Variants in PRDM16 observed in about 807,000 individuals in gnomAD.
PRDM16 encodes PR/SET domain 16, also known as histone-lysine N-methyltransferase PRDM16.
A neutral mutation model predicts 110.6 loss-of-function variants in PRDM16; 23 were observed. The ratio of observed to expected loss-of-function variants is 0.21; its 90% CI spans 0.15 to 0.29. The LOEUF is 0.29. Ranked by LOEUF, PRDM16 falls within the 10% of genes least tolerant of loss-of-function variation. The pLI, the probability that PRDM16 is intolerant of heterozygous loss-of-function variation, is 1.00. For synonymous variants in PRDM16, 799 were observed against 781.8 expected, an observed-to-expected ratio of 1.02 and a Z score of -0.37; for missense variants, 1,615 against 1,794.3, an observed-to-expected ratio of 0.90 and a Z score of 1.81.
rs1643121609 is a variant in PRDM16 at position 3,382,603 on chromosome 1, G to A, written c.439-2549G>A. Among the ~76,000 whole-genome samples, 1 of 152,186 alleles carries A rather than the reference G, an allele frequency of 6.6e-6. No homozygotes were observed. Among genetic ancestry groups the A allele is most frequent in the Non-Finnish European group, 1.5e-5 (1 of 68,026 alleles). On this transcript the variant is annotated intron_variant, in intron 3 of 16. Transcript: ENST00000270722. This position sits in a 1 kb window ranked among gnomAD's most constrained non-coding sequence, Gnocchi z 6.6. ...AGAACAGGGGGAAGGTGTTGGCTGA[G>A]CCCATGTCTTGGGTGCATTAGGGGT...
intron 10 of PRDM16, among the ~76,000 whole-genome samples, chr1:3,416,497 C>T (rs965142936): frequency 1.3e-5 from 2 of 152,146 alleles, no homozygotes; most frequent in Admixed American, 6.5e-5. Flanking sequence ...CCTCACCTGC[C>T]CTTCTCCTCA....
At chr1:3,144,312 T>C (rs1014986473) in intron 1 of PRDM16, among the ~76,000 whole-genome samples, 3 of 152,014 alleles carry the variant, frequency 2.0e-5, no homozygotes, top group Non-Finnish European at 4.4e-5. Context: ...ATCCCTCGGG[T>C]TGGATGCAGA....
chr1:3,290,206 T>C lies in PRDM16; in HGVS notation c.438+46069T>C, dbSNP rs1640941783. ...GGCTGGCCCGGCACAGGGGCTCCCC[T>C]TGAGGTGGGCAGGTTTCCAGGCATT... On this transcript the variant is annotated intron_variant, in intron 3 of 16. Transcript: ENST00000270722. The surrounding 1 kb of genome is among the most constrained non-coding windows in gnomAD (Gnocchi z 4.8). Among the ~76,000 whole-genome samples the C allele has an allele frequency of 6.6e-6, 1 of 152,268 alleles. No individual in the cohort carries two copies. Among genetic ancestry groups the C allele is most frequent in the Middle Eastern group, 3.4e-3 (1 of 294 alleles).
rs749586379 is a variant in PRDM16, at chr1:3,402,955, C to T, written c.841C>T (p.His281Tyr). Residue 281 changes from histidine (H) to tyrosine (Y), a missense_variant, in exon 6 of 17, where the codon CAC (histidine) becomes TAC (tyrosine). Coordinates refer to ENST00000270722, the MANE Select transcript of PRDM16 (RefSeq NM_022114.4). ...EGLGGGSGQA[H>Y]ECKDCERMFP... ...CCTTGGCGGTGGCAGCGGCCAAGCC[C>T]ACGAGTGCAAGGACTGCGAGCGGAT... The T allele has an allele frequency of 6.2e-7, 1 of 1,612,546 alleles. No homozygotes were observed. The highest frequency in any genetic ancestry group is 1.1e-5 in the South Asian group (1 of 91,068).
chr1:3,196,401 G>A (rs562592523), intron 2 of PRDM16, among the ~76,000 whole-genome samples: 1 of 152,378 alleles, frequency 6.6e-6, no homozygotes, highest in East Asian at 1.9e-4. Flanking sequence ...CATGACCTCA[G>A]CCCCACTTTT....
intron 4 of PRDM16, among the ~76,000 whole-genome samples, chr1:3,394,176 G>A (rs984279643): frequency 2.0e-5 from 3 of 152,116 alleles, no homozygotes; most frequent in East Asian, 3.9e-4. Context: ...AGGGAGGCCT[G>A]GCGCCCTCGG....
In PRDM16 at chr1:3,408,516, G is replaced by A. The variant is rs145314287; in HGVS notation, c.1186+2868G>A. On this transcript the variant is annotated intron_variant, in intron 8 of 16. Transcript: ENST00000270722. ...TGAGTGTGGGCGCGTGCACCGGTGCGTGTGTGTGTGAGAGCGTGTGTGTGG... is the reference window on the plus strand; with the variant it reads ...TGAGTGTGGGCGCGTGCACCGGTGCATGTGTGTGTGAGAGCGTGTGTGTGG... Among the ~76,000 whole-genome samples, 274 of 141,676 alleles carry A rather than the reference G, an allele frequency of 1.9e-3. 1 individual carries two copies. The highest frequency in any genetic ancestry group is 3.3e-3 in the Admixed American group (48 of 14,624). The allele number at this position is 141,676 out of a possible 152,430, so 92.9% of individuals were successfully genotyped here.
chr1:3,073,664 C>G (rs1048415698), intron 1 of PRDM16, among the ~76,000 whole-genome samples: 1 of 152,178 alleles, frequency 6.6e-6, no homozygotes, highest in East Asian at 2.0e-4. Context: ...GGTCGGGGAG[C>G]GGGGCCTGGG....
chr1:3,400,372 C>A (rs1156648532), intron 5 of PRDM16, among the ~76,000 whole-genome samples: 1 of 152,230 alleles, frequency 6.6e-6, no homozygotes, highest in African/African-American at 2.4e-5. Context: ...AGCCTTGCCA[C>A]CCACATCATT....
chr1:3,416,656 T>C (rs1236316048), intron 10 of PRDM16, among the ~76,000 whole-genome samples: 1 of 152,054 alleles, frequency 6.6e-6, no homozygotes, highest in African/African-American at 2.4e-5. Context: ...TCCCTCCTCA[T>C]CCCCTTCTCT....
rs368702154 is a variant in PRDM16, at chr1:3,155,186, C to A, written c.38-30939C>A. Among the ~76,000 whole-genome samples, 15 of 152,196 alleles carry A rather than the reference C, an allele frequency of 9.9e-5. No individual in the cohort carries two copies. The East Asian group carries it at 1.5e-3, about 16-fold the overall frequency. On this transcript the variant is annotated intron_variant, in intron 1 of 16. Coordinates refer to ENST00000270722, the MANE Select transcript of PRDM16 (RefSeq NM_022114.4). The stretch of plus-strand genomic sequence containing the variant: ...TCCTGCGGACCTCTCCAGGAAGGGC[C>A]CCGGGAGAGGCATCTCTCCGGAGGC...
Position 3,181,485 on chromosome 1 carries a change from CACAGCCTTACGCAT to C in PRDM16, c.38-4639_38-4626del, listed in dbSNP as rs1557509338. ...ACGGTCTTACACACGCAGTCTTACA[CACAGCCTTACGCAT>C]GGTCTTACACACGCAGTCTTACACA... On this transcript the variant is annotated intron_variant, in intron 1 of 16. Coordinates refer to ENST00000270722, the MANE Select transcript of PRDM16 (RefSeq NM_022114.4). Among the ~76,000 whole-genome samples the C allele has an allele frequency of 1.4e-3, 96 of 67,412 alleles. 17 individuals carry two copies. Among genetic ancestry groups the C allele is most frequent in the Non-Finnish European group, 2.5e-3 (69 of 28,078 alleles). 44.2% of individuals were successfully genotyped at this position (67,412 alleles called of 152,430 possible).
chr1:3,212,618 A>ATCCTCCCGGCCCCCTCACTGC lies in PRDM16; in HGVS notation c.387+26144_387+26145insTCCTCCCGGCCCCCTCACTGC, dbSNP rs1638915910. Among the ~76,000 whole-genome samples, 48 of 122,604 alleles carry ATCCTCCCGGCCCCCTCACTGC rather than the reference A, an allele frequency of 3.9e-4. 7 individuals carry two copies. Among genetic ancestry groups the ATCCTCCCGGCCCCCTCACTGC allele is most frequent in the East Asian group, 9.3e-4 (4 of 4,282 alleles). 80.4% of individuals were successfully genotyped at this position (122,604 alleles called of 152,430 possible). A position where few individuals can be genotyped will look rare whatever the true frequency, so the allele number is the denominator to read the frequency against. On this transcript the variant is annotated intron_variant, in intron 2 of 16. Coordinates refer to ENST00000270722, the MANE Select transcript of PRDM16 (RefSeq NM_022114.4). ...GCTCATCCTCCCGGCCCCCTCGCTG[A>ATCCTCCCGGCCCCCTCACTGC]GGTCCTCCCGCTCATCCTCCCGGCC... is the stretch of plus-strand genomic sequence containing the variant.
At chr1:3,236,978 C>T (rs935762240) in intron 2 of PRDM16, among the ~76,000 whole-genome samples, 9 of 152,296 alleles carry the variant, frequency 5.9e-5, no homozygotes, top group African/African-American at 2.2e-4. Context: ...CAGGTCCTAG[C>T]AAAGGGAGGA....
At chr1:3,173,616 G>A (rs542060789) in intron 1 of PRDM16, among the ~76,000 whole-genome samples, 90 of 152,288 alleles carry the variant, frequency 5.9e-4, no homozygotes, top group African/African-American at 2.0e-3. Context: ...GTGGTGGTCT[G>A]TGCAGCGCAG....
chr1:3,079,983 G>T (rs1441797912), intron 1 of PRDM16, among the ~76,000 whole-genome samples: 1 of 152,236 alleles, frequency 6.6e-6, no homozygotes, highest in African/African-American at 2.4e-5. Context: ...CCTCAGTAGC[G>T]CGTGCCCACC....
At chr1:3,147,214 G>A (rs1222491900) in intron 1 of PRDM16, among the ~76,000 whole-genome samples, 2 of 151,876 alleles carry the variant, frequency 1.3e-5, no homozygotes, top group East Asian at 1.9e-4. Context: ...TTCAGTGTGG[G>A]GTGTGTGTGC....
chr1:3,281,585 G>A (rs917528177), intron 3 of PRDM16, among the ~76,000 whole-genome samples: 2 of 152,226 alleles, frequency 1.3e-5, no homozygotes, highest in African/African-American at 4.8e-5. Context: ...GCTATGGTTA[G>A]ATTCATTGAT....
intron 3 of PRDM16, among the ~76,000 whole-genome samples, chr1:3,247,742 G>C (rs1035379139): frequency 2.6e-5 from 4 of 152,228 alleles, no homozygotes; most frequent in African/African-American, 9.6e-5. Flanking sequence ...GCGTGCCCTC[G>C]CCGTCCCTGC....
Sources: allele counts gnomAD v4.1 joint callset (sites outside exome capture counted in the v4.1 genomes callset), GRCh38; gene constraint gnomAD v4.1.1; non-coding constraint Gnocchi (gnomAD v3.1); transcripts MANE v1.5; gene names NCBI Gene and HGNC (gene_info 2026-07-23, HGNC 2026-07-21).